SLC9A9: variants seen among roughly 807,000 people sequenced by gnomAD.
SLC9A9 encodes sodium/hydrogen exchanger 9.
A neutral mutation model predicts 77.8 loss-of-function variants in SLC9A9; 62 were observed. The ratio of observed to expected loss-of-function variants is 0.80; its 90% CI spans 0.65 to 0.98. The LOEUF (loss-of-function observed/expected upper bound fraction) is 0.98, where lower values mean the gene tolerates loss of function less well. Among genes scored for constraint, SLC9A9 ranks in the 50% least tolerant of loss-of-function variants. SLC9A9 has a pLI of 0.00. For missense variants in SLC9A9, 775 were observed against 774.9 expected, an observed-to-expected ratio of 1.00 and a Z score of 0.00; for synonymous variants, 320 against 283.5, an observed-to-expected ratio of 1.13 and a Z score of -1.29.
At chr3:143,663,286 T>G (rs2039010007) in intron 5 of SLC9A9, among the ~76,000 whole-genome samples, 1 of 151,984 alleles carries the variant, frequency 6.6e-6, no homozygotes, top group East Asian at 1.9e-4. Flanking sequence ...AAAAAGGACA[T>G]CCACACAAAA....
intron 14 of SLC9A9, among the ~76,000 whole-genome samples, chr3:143,317,215 A>G (rs931212483): frequency 5.3e-5 from 8 of 152,328 alleles, no homozygotes; most frequent in Admixed American, 1.3e-4. Flanking sequence ...AAAATGAGCC[A>G]AGAACTTGCC....
chr3:143,540,452 T>C (rs745456798), intron 9 of SLC9A9, among the ~76,000 whole-genome samples: 2 of 152,108 alleles, frequency 1.3e-5, no homozygotes, highest in Non-Finnish European at 1.5e-5. Flanking sequence ...AGGAGAGTGG[T>C]GATCTGCAGG....
At chr3:143,770,836 T>C (rs1439865259) in intron 4 of SLC9A9, among the ~76,000 whole-genome samples, 2 of 151,858 alleles carry the variant, frequency 1.3e-5, no homozygotes, top group East Asian at 1.9e-4. Context: ...TGCAACCTAA[T>C]AGGTAAAGCA....
intron 1 of SLC9A9, among the ~76,000 whole-genome samples, chr3:143,836,569 G>A (rs1030624320): frequency 1.3e-5 from 2 of 152,178 alleles, no homozygotes; most frequent in African/African-American, 4.8e-5. Flanking sequence ...CACATGCATG[G>A]CATACAGTTG....
chr3:143,679,507 G>T (rs573669799), intron 5 of SLC9A9, among the ~76,000 whole-genome samples: 1 of 152,144 alleles, frequency 6.6e-6, no homozygotes, highest in East Asian at 1.9e-4. Flanking sequence ...CGTCTAGTGC[G>T]TTTTCAAAGT....
At chr3:143,386,129 C>A (rs979818534) in intron 12 of SLC9A9, among the ~76,000 whole-genome samples, 1 of 152,176 alleles carries the variant, frequency 6.6e-6, no homozygotes, top group Admixed American at 6.5e-5. Context: ...TCTCCCATCA[C>A]TAGAAGTTAC....
chr3:143,645,089 T>C (rs1240033879), intron 6 of SLC9A9, among the ~76,000 whole-genome samples: 1 of 152,180 alleles, frequency 6.6e-6, no homozygotes, highest in East Asian at 1.9e-4. Context: ...AGAATGAACA[T>C]GAAATATCTA....
At chr3:143,358,025 CTTTTTTT>C (rs5853107) in intron 14 of SLC9A9, among the ~76,000 whole-genome samples, 1 of 145,036 alleles carries the variant, frequency 6.9e-6, no homozygotes, top group South Asian at 2.2e-4. Flanking sequence ...TTTTTCTTTC[CTTTTTTT>C]TTTTTTTAGT....
chr3:143,726,658 G>C (rs1900641), intron 4 of SLC9A9, among the ~76,000 whole-genome samples: 137,705 of 152,104 alleles, frequency 0.91, 62,393 homozygotes, highest in East Asian at 1. Flanking sequence ...TAAGAGGTTA[G>C]CAGAGGTGAA....
At chr3:143,746,091 G>A (rs528365768) in intron 4 of SLC9A9, among the ~76,000 whole-genome samples, 1 of 152,342 alleles carries the variant, frequency 6.6e-6, no homozygotes, top group African/African-American at 2.4e-5. Context: ...TGTAGGTCAT[G>A]TGCAGCCCAG....
rs550784885 is a variant in SLC9A9 at position 143,265,222 on chromosome 3, T to C, written c.*1480A>G. On this transcript the variant is annotated 3_prime_UTR_variant, in exon 16 of 16. Coordinates refer to ENST00000316549, the MANE Select transcript of SLC9A9 (RefSeq NM_173653.4). ...ATAAAGCATTAGCCAAACACAATCA[T>C]ACTTTGTAACAAAAATTTATTAGGA... 6.6e-6 allele frequency: 1 copy of C among 152,350 alleles called. No homozygotes were observed. Among genetic ancestry groups the C allele is most frequent in the African/African-American group, 2.4e-5 (1 of 41,586 alleles). 9.4% of individuals were successfully genotyped at this position (152,350 alleles called of 1,614,324 possible).
At chr3:143,275,901 A>G (rs935223758) in intron 14 of SLC9A9, among the ~76,000 whole-genome samples, 20 of 152,326 alleles carry the variant, frequency 1.3e-4, no homozygotes, top group African/African-American at 3.8e-4. Flanking sequence ...TTTTCCTAAG[A>G]GAATGAGGCA....
At chr3:143,755,674 A>G (rs569452456) in intron 4 of SLC9A9, among the ~76,000 whole-genome samples, 1 of 152,160 alleles carries the variant, frequency 6.6e-6, no homozygotes, top group East Asian at 1.9e-4. Flanking sequence ...AAGCACTGAA[A>G]ATGAATATTA....
intron 9 of SLC9A9, among the ~76,000 whole-genome samples, chr3:143,525,731 C>A (rs191760621): frequency 2.0e-4 from 31 of 151,754 alleles, no homozygotes; most frequent in African/African-American, 7.3e-4. Flanking sequence ...TAAATGTATG[C>A]GTAAACAGGA....
intron 4 of SLC9A9, among the ~76,000 whole-genome samples, chr3:143,790,332 C>T (rs1003916934): frequency 3.7e-4 from 57 of 152,310 alleles, no homozygotes; most frequent in African/African-American, 1.3e-3. Context: ...AAAATGGATT[C>T]GTACCATTCC....
intron 4 of SLC9A9, among the ~76,000 whole-genome samples, chr3:143,768,365 C>T (rs2007401498): frequency 6.6e-6 from 1 of 152,154 alleles, no homozygotes; most frequent in Non-Finnish European, 1.5e-5. Context: ...CAACAACCTA[C>T]CCTGTATTTT....
In SLC9A9 at chr3:143,806,065, T is replaced by C. The variant is rs148829962; in HGVS notation, c.379-9162A>G. ...TACTTCTCTTTATCCTTTATTCTTT[T>C]CCCCCCCACCTCTTCCCACATCCCC... On this transcript the variant is annotated intron_variant, in intron 2 of 15. Transcript: ENST00000316549. 4.5e-3 allele frequency among the ~76,000 whole-genome samples: 681 copies of C among 150,024 alleles called. 14 individuals carry two copies. In the East Asian group the frequency reaches 0.055, roughly 12 times the overall value.
At chr3:143,826,007 C>T (rs2009287630) in intron 2 of SLC9A9, among the ~76,000 whole-genome samples, 1 of 152,050 alleles carries the variant, frequency 6.6e-6, no homozygotes, top group African/African-American at 2.4e-5. Flanking sequence ...ACCTATAATC[C>T]CAGCATTTTG....
chr3:143,276,850 G>GT (rs34353305), intron 14 of SLC9A9, among the ~76,000 whole-genome samples: 33,943 of 151,852 alleles, frequency 0.22, 6,993 homozygotes, highest in African/African-American at 0.55. Flanking sequence ...ATTTCAGAGA[G>GT]TTTTCAGATG....
Sources: allele counts gnomAD v4.1 joint callset (sites outside exome capture counted in the v4.1 genomes callset), GRCh38; gene constraint gnomAD v4.1.1; transcripts MANE v1.5; gene names NCBI Gene and HGNC (gene_info 2026-07-23, HGNC 2026-07-21).